CYP19A1: variants seen among roughly 807,000 people sequenced by gnomAD.
CYP19A1 encodes the protein cytochrome P450 family 19 subfamily A member 1.
In CYP19A1, 32 loss-of-function variants were observed where a neutral mutation model predicts 44.4. The observed-to-expected ratio is 0.72, with a 90% CI of 0.54 to 0.97. The LOEUF is 0.97. Ranked by LOEUF, CYP19A1 falls within the 50% of genes least tolerant of loss-of-function variation. The probability of loss-of-function intolerance (pLI) is 0.00; values close to 1 mark genes in which losing one functional copy is unlikely to be tolerated. For missense variants in CYP19A1, 598 were observed against 637.8 expected (o/e 0.94, Z 0.67); for synonymous variants, 212 against 215.6 (o/e 0.98, Z 0.14).
In CYP19A1 at chr15:51,222,524, A is replaced by C. The variant is rs2032201267; in HGVS notation, c.453T>G (p.Ala151=). The C allele has an allele frequency of 6.2e-7, 1 of 1,612,770 alleles. No individual in the cohort carries two copies. The highest frequency in any genetic ancestry group is 1.1e-5 in the South Asian group (1 of 90,946). The change falls in exon 5 of 10, where the codon GCT becomes GCG. Residue 151 remains alanine (A), a splice_region_variant and synonymous_variant. Coordinates refer to ENST00000396402, the MANE Select transcript of CYP19A1 (RefSeq NM_000103.4). ...WKTTRPFFMK[A]LSGPGLVRMV... ...TACGAACAAGGCCGGGGCCTGACAG[A>C]GCTGCAGAGTACACATCAGAGAATC... is the stretch of plus-strand genomic sequence containing the variant.
chr15:51,321,454 T>C (rs1309136680), intron 1 of CYP19A1, among the ~76,000 whole-genome samples: 1 of 152,188 alleles, frequency 6.6e-6, no homozygotes, highest in Non-Finnish European at 1.5e-5. Context: ...TCCCCATCTT[T>C]CGATTCGAAA....
intron 5 of CYP19A1, 174 bp downstream of exon 5, chr15:51,222,175 A>G: frequency 8.2e-7 from 1 of 1,216,918 alleles, no homozygotes; most frequent in South Asian, 1.6e-5. Flanking sequence ...GGAAATTTAT[A>G]TTTTATAAGT....
chr15:51,279,582 T>A (rs1005586550), intron 1 of CYP19A1, among the ~76,000 whole-genome samples: 1 of 152,210 alleles, frequency 6.6e-6, no homozygotes, highest in Admixed American at 6.5e-5. Flanking sequence ...AAACACTGAC[T>A]TCCCCCAAAC....
rs75492925 is a variant in CYP19A1, at chr15:51,320,566, T to C, written c.-39+17929A>G. ...AGACACTGGCAATTTCTGAAGCTCC[T>C]TGTGGCCCCAAGAGGCCCAAAAGCT... On this transcript the variant is annotated intron_variant, in intron 1 of 9. Transcript: ENST00000396402. 0.016 allele frequency among the ~76,000 whole-genome samples: 2,447 copies of C among 152,326 alleles called. 197 individuals are homozygous for C. In the East Asian group the frequency reaches 0.25, roughly 16 times the overall value.
chr15:51,251,114 G>A (rs28719042), intron 1 of CYP19A1, among the ~76,000 whole-genome samples: 22,615 of 152,072 alleles, frequency 0.15, 3,014 homozygotes, highest in African/African-American at 0.35. Flanking sequence ...AAACTGCCTC[G>A]GGACACTGAG....
chr15:51,286,987 A>G (rs2035717830), intron 1 of CYP19A1, among the ~76,000 whole-genome samples: 1 of 152,168 alleles, frequency 6.6e-6, no homozygotes, highest in Non-Finnish European at 1.5e-5. Flanking sequence ...CTTTTGGCTG[A>G]ACCTACCCAG....
chr15:51,259,105 T>G (rs2034622081), intron 1 of CYP19A1, among the ~76,000 whole-genome samples: 1 of 152,140 alleles, frequency 6.6e-6, no homozygotes, highest in African/African-American at 2.4e-5. Context: ...CCTCCCGCCA[T>G]TCAGGATATG....
At chr15:51,225,594 C>T (rs138215390) in intron 4 of CYP19A1, among the ~76,000 whole-genome samples, 2 of 152,228 alleles carry the variant, frequency 1.3e-5, no homozygotes, top group East Asian at 3.9e-4. Context: ...TATACGTTTT[C>T]CATTAATTCA....
intron 1 of CYP19A1, among the ~76,000 whole-genome samples, chr15:51,314,584 A>G (rs1207086077): frequency 6.6e-6 from 1 of 152,342 alleles, no homozygotes; most frequent in Admixed American, 6.5e-5. Flanking sequence ...TGACCAAATC[A>G]TGCTAAACAA....
At chr15:51,273,171 G>A (rs745506982) in intron 1 of CYP19A1, among the ~76,000 whole-genome samples, 15 of 152,034 alleles carry the variant, frequency 9.9e-5, no homozygotes, top group Middle Eastern at 3.2e-3. Flanking sequence ...GGCTGGTCTC[G>A]AACTCTGGAC....
intron 1 of CYP19A1, among the ~76,000 whole-genome samples, chr15:51,300,882 C>A (rs1438255326): frequency 6.6e-6 from 1 of 152,026 alleles, no homozygotes; most frequent in Non-Finnish European, 1.5e-5. Flanking sequence ...CGGTGGTAGG[C>A]CCCAAACTGA....
In CYP19A1 at chr15:51,247,119, T is replaced by C. The variant is rs138080426; in HGVS notation, c.-38-4169A>G. On this transcript the variant is annotated intron_variant, in intron 1 of 9. Coordinates refer to ENST00000396402, the MANE Select transcript of CYP19A1 (RefSeq NM_000103.4). ...TGTATCTGTTCTCCAGTGATGGTTG[T>C]GGCAGGCTTCTCTCATCGTTTCTAT... 2.0e-3 allele frequency among the ~76,000 whole-genome samples: 310 copies of C among 152,306 alleles called. 4 individuals are homozygous for C. The highest frequency in any genetic ancestry group is 6.8e-3 in the African/African-American group (283 of 41,568).
At chr15:51,332,879 G>A (rs1255184497) in intron 1 of CYP19A1, among the ~76,000 whole-genome samples, 1 of 152,176 alleles carries the variant, frequency 6.6e-6, no homozygotes, top group Non-Finnish European at 1.5e-5. Flanking sequence ...CTTTCTGGAA[G>A]ACTGTAAGAT....
chr15:51,227,699 T>TAAATAAATAAATAAATAAAA (rs1310408443), intron 4 of CYP19A1, 80 bp downstream of exon 4: 1 of 427,772 alleles, frequency 2.3e-6, no homozygotes. Flanking sequence ...AATAAATAAA[T>TAAATAAATAAATAAATAAAA]AAAATATTTT....
At chr15:51,246,427 C>CA (rs2034058112) in intron 1 of CYP19A1, among the ~76,000 whole-genome samples, 1 of 152,226 alleles carries the variant, frequency 6.6e-6, no homozygotes, top group African/African-American at 2.4e-5. Flanking sequence ...GTTGGCCTGG[C>CA]ACCAAGCAGG....
intron 1 of CYP19A1, among the ~76,000 whole-genome samples, chr15:51,260,750 CAGGAGGTAAAGAA>C (rs1448568437): frequency 4.6e-5 from 7 of 152,124 alleles, no homozygotes; most frequent in African/African-American, 1.4e-4. Flanking sequence ...GGGCTAAAAG[CAGGAGGTAAAGAA>C]ATAGTCAAAT....
chr15:51,212,293 C>T, intron 9 of CYP19A1, 27 bp downstream of exon 9: 1 of 1,496,524 alleles, frequency 6.7e-7, no homozygotes, highest in Middle Eastern at 1.7e-4. Context: ...AAGAGTGGCA[C>T]ACTCAGTTTT....
At chr15:51,278,418 A>T (rs2035403022) in intron 1 of CYP19A1, among the ~76,000 whole-genome samples, 1 of 152,166 alleles carries the variant, frequency 6.6e-6, no homozygotes. Flanking sequence ...GGCTCTCTGA[A>T]ACTTTGGCTC....
At chr15:51,232,221 C>T (rs1240438591) in intron 3 of CYP19A1, among the ~76,000 whole-genome samples, 1 of 152,120 alleles carries the variant, frequency 6.6e-6, no homozygotes, top group African/African-American at 2.4e-5. Flanking sequence ...ACTTTTGCCC[C>T]CACTAGTCCA....
Sources: allele counts gnomAD v4.1 joint callset (sites outside exome capture counted in the v4.1 genomes callset), GRCh38; gene constraint gnomAD v4.1.1; transcripts MANE v1.5; gene names NCBI Gene and HGNC (gene_info 2026-07-23, HGNC 2026-07-21).